Variants in MOK observed in about 807,000 individuals in gnomAD.
The protein encoded by MOK is MAPK/MAK/MRK overlapping kinase.
A neutral mutation model predicts 54.2 loss-of-function variants in MOK; 59 were observed. The ratio of observed to expected loss-of-function variants is 1.09; its 90% CI spans 0.88 to 1.35. The LOEUF is 1.35. MOK is among the 40% of genes most tolerant of loss of function. The probability of loss-of-function intolerance (pLI) is 0.00; values close to 1 mark genes in which losing one functional copy is unlikely to be tolerated. For missense variants in MOK, 517 were observed against 526.2 expected (o/e 0.98, Z 0.17); for synonymous variants, 210 against 202.7 (o/e 1.04, Z -0.31).
intron 1 of MOK, among the ~76,000 whole-genome samples, chr14:102,287,625 G>A (rs2070273069): frequency 6.6e-6 from 1 of 152,040 alleles, no homozygotes; most frequent in Non-Finnish European, 1.5e-5. Context: ...ATGAAATGAT[G>A]CTCAACATCA....
chr14:102,232,578 C>A lies in MOK; in HGVS notation c.823G>T (p.Ala275Ser), dbSNP rs754455482. The A allele has an allele frequency of 6.2e-7, 1 of 1,613,736 alleles. No individual in the cohort carries two copies. Among genetic ancestry groups the A allele is most frequent in the Non-Finnish European group, 8.5e-7 (1 of 1,179,802 alleles). The change falls in exon 9 of 12, where the codon GCC becomes TCC. Residue 275 changes from alanine (A) to serine (S), a missense_variant. By Grantham distance (99) the Ala-to-Ser change is moderately conservative (BLOSUM62 1). Transcript: ENST00000361847. The surrounding 1 kb of genome is among the most constrained non-coding windows in gnomAD (Gnocchi z 5.1). ...GGGTGCTGCAGGGCCTGGTGGGCGG[C>A]GATTCTCTCATCGGGATCATAGGCC... ...MVAYDPDERI[A>S]AHQALQHPYF...
At chr14:102,218,926 G>A in the MOK span, among the ~76,000 whole-genome samples, 2 of 152,334 alleles carry the variant, frequency 1.3e-5, no homozygotes, top group South Asian at 4.1e-4. Flanking sequence ...CCCTTGCCAG[G>A]TCCTCCGTCG....
intron 4 of MOK, chr14:102,260,767 AT>A (rs1242763192): frequency 6.6e-6 from 1 of 152,172 alleles, no homozygotes; most frequent in Non-Finnish European, 1.5e-5. Flanking sequence ...AATAGATTCA[AT>A]TTCTTCAATT....
At chr14:102,220,593 G>A (rs999966785), downstream of MOK, among the ~76,000 whole-genome samples, 2 of 151,770 alleles carry the variant, frequency 1.3e-5, no homozygotes, top group Admixed American at 6.6e-5. This position sits in a 1 kb window ranked among gnomAD's most constrained non-coding sequence, Gnocchi z 4.2. Context: ...GGTGGCAGGC[G>A]CCTGTAGTCC....
chr14:102,296,286 A>T (rs1279558989), intron 1 of MOK, among the ~76,000 whole-genome samples: 1 of 152,006 alleles, frequency 6.6e-6, no homozygotes, highest in Non-Finnish European at 1.5e-5. Flanking sequence ...TTACAAAAAA[A>T]AAACTATGTT....
chr14:102,246,772 C>G (rs144614337), intron 7 of MOK, among the ~76,000 whole-genome samples: 15 of 152,168 alleles, frequency 9.9e-5, no homozygotes, highest in African/African-American at 3.6e-4. Flanking sequence ...TGATGAATGC[C>G]TATTAGTAGG....
intron 7 of MOK, among the ~76,000 whole-genome samples, chr14:102,248,553 C>A (rs949068697): frequency 6.6e-6 from 1 of 151,846 alleles, no homozygotes; most frequent in Non-Finnish European, 1.5e-5. Context: ...CTGAGGCGGG[C>A]GGATCACGAG....
chr14:102,263,572 T>C lies in MOK; in HGVS notation c.257A>G (p.Asp86Gly), dbSNP rs2067653237. 2 of 1,606,848 alleles carry C rather than the reference T, an allele frequency of 1.2e-6. No homozygotes were observed. Among genetic ancestry groups the C allele is most frequent in the Non-Finnish European group, 1.7e-6 (2 of 1,177,212 alleles). ...TCGTATTAGCTCATAAATATTCATGTCCATAAGTTCACATATTAGTGCAAG... is the reference window on the plus strand; with the variant it reads ...TCGTATTAGCTCATAAATATTCATGCCCATAAGTTCACATATTAGTGCAAG... ...GSLALICELMDMNIYELIRGR... is the reference protein window; with the variant it reads ...GSLALICELMGMNIYELIRGR... Residue 86 changes from aspartate (D) to glycine (G), a missense_variant, in exon 4 of 12, where the codon GAC becomes GGC. By Grantham distance (94) the Asp-to-Gly change is moderately conservative. Coordinates refer to ENST00000361847, the MANE Select transcript of MOK (RefSeq NM_014226.3).
rs2067654464 is a variant in MOK, at chr14:102,263,589, T to C, written c.240A>G (p.Leu80=). Residue 80 remains leucine, a synonymous_variant, in exon 4 of 12, where the codon CTA becomes CTG. Coordinates refer to ENST00000361847, the MANE Select transcript of MOK (RefSeq NM_014226.3). ...VFDRKSGSLA[L]ICELMDMNIY... ...TATTCATGTCCATAAGTTCACATAT[T>C]AGTGCAAGAGAACCAGATTTTCTGT... is the stretch of plus-strand genomic sequence containing the variant. 1.9e-6 allele frequency: 3 copies of C among 1,606,754 alleles called. No homozygotes were observed. Among genetic ancestry groups the C allele is most frequent in the South Asian group, 2.2e-5 (2 of 88,930 alleles).
chr14:102,234,150 T>C, intron 7 of MOK: 2 of 211,208 alleles, frequency 9.5e-6, no homozygotes, highest in Non-Finnish European at 1.9e-5. Flanking sequence ...AATTTTTCCT[T>C]TCTCTCGGAT....
At chr14:102,269,189 AT>A (rs561391144) in intron 2 of MOK, among the ~76,000 whole-genome samples, 2,410 of 143,906 alleles carry the variant, frequency 0.017, 36 homozygotes, top group Admixed American at 0.041. Flanking sequence ...AAATAAGAGA[AT>A]TTTTTTTTTT....
At chr14:102,226,374 C>T (rs141000493), downstream of MOK, 603 of 703,094 alleles carry the variant, frequency 8.6e-4, 3 homozygotes, top group African/African-American at 8.5e-3. This position sits in a 1 kb window ranked among gnomAD's most constrained non-coding sequence, Gnocchi z 4.8. Context: ...GGGAGGAGGA[C>T]GGCTGAGGCC....
intron 2 of MOK, chr14:102,277,375 C>T (rs2153161176): frequency 6.6e-6 from 1 of 152,312 alleles, no homozygotes. Flanking sequence ...ATAATCCCAG[C>T]ACTTTGGGAG....
chr14:102,229,165 G>A lies in MOK; in HGVS notation c.*124C>T, dbSNP rs546220869. On this transcript the variant is annotated 3_prime_UTR_variant, in exon 12 of 12. Transcript: ENST00000361847. Reference sequence around the variant, plus strand: ...GGCGCAGGGCAGCACCCAGAGCCCCGGCCAGCGCGAAACGGACGCAGGCGC... The same window carrying A: ...GGCGCAGGGCAGCACCCAGAGCCCCAGCCAGCGCGAAACGGACGCAGGCGC... 4,477 of 1,059,592 alleles carry A rather than the reference G, an allele frequency of 4.2e-3. 27 individuals are homozygous for A. Among genetic ancestry groups the A allele is most frequent in the Non-Finnish European group, 4.2e-3 (3,149 of 746,142 alleles). 65.6% of individuals were successfully genotyped at this position (1,059,592 alleles called of 1,614,324 possible). A position where few individuals can be genotyped will look rare whatever the true frequency, so the allele number is the denominator to read the frequency against.
At chr14:102,298,976 C>T (rs1001343286) in intron 1 of MOK, among the ~76,000 whole-genome samples, 1 of 152,076 alleles carries the variant, frequency 6.6e-6, no homozygotes, top group African/African-American at 2.4e-5. Context: ...CACGAACCCA[C>T]CAGAAGGAAG....
At chr14:102,261,418 AATATATAT>A (rs1197835093) in intron 4 of MOK, among the ~76,000 whole-genome samples, 1,901 of 42,664 alleles carry the variant, frequency 0.045, 43 homozygotes, top group South Asian at 0.073. Context: ...AAAAAAAAAA[AATATATAT>A]ATATATATAT....
intron 1 of MOK, among the ~76,000 whole-genome samples, chr14:102,293,712 A>G (rs1329817245): frequency 6.7e-6 from 1 of 150,274 alleles, no homozygotes; most frequent in Non-Finnish European, 1.5e-5. Context: ...AAAAAAAAAA[A>G]AAAAAAAAAA....
At position 102,229,300 on chromosome 14, in the gene MOK, C is replaced by T; in HGVS notation, c.1249G>A (p.Gly417Ser). The T allele has an allele frequency of 1.9e-6, 3 of 1,605,458 alleles. No homozygotes were observed. The highest frequency in any genetic ancestry group is 2.2e-5 in the East Asian group (1 of 44,778). Residue 417 changes from glycine to serine, a missense_variant, in exon 12 of 12, where the codon GGC becomes AGC. Physicochemically the swap from Gly to Ser is moderately conservative, Grantham distance 56. Transcript: ENST00000361847. ...ACGGTGCTGCTCAGTTATCTTCCGC[C>T]TTTCCGCACTATGGTGGGCAGGCGA... ...QCRLPTIVRK[G>S]GR
intron 4 of MOK, among the ~76,000 whole-genome samples, chr14:102,259,038 C>A (rs142651365): frequency 0.054 from 8,142 of 151,264 alleles, 282 homozygotes; most frequent in African/African-American, 0.099. Flanking sequence ...TGCACTCCAG[C>A]CTGGGCAACA....
Sources: allele counts gnomAD v4.1 joint callset (sites outside exome capture counted in the v4.1 genomes callset), GRCh38; gene constraint gnomAD v4.1.1; non-coding constraint Gnocchi (gnomAD v3.1); transcripts MANE v1.5; gene names NCBI Gene and HGNC (gene_info 2026-07-23, HGNC 2026-07-21).